The following TENM3 variants were observed in gnomAD, a reference collection of about 807,000 sequenced individuals.
TENM3 encodes teneurin transmembrane protein 3.
Under a neutral mutation model 255.1 loss-of-function variants are expected in TENM3, and 63 were observed. The observed-to-expected ratio is 0.25, with a 90% CI of 0.20 to 0.30. The LOEUF (loss-of-function observed/expected upper bound fraction) is 0.30, where lower values mean the gene tolerates loss of function less well. Among genes scored for constraint, TENM3 ranks in the 10% least tolerant of loss-of-function variants. The pLI is 1.00. For missense variants in TENM3, 2,929 were observed against 3,461.1 expected (o/e 0.85, Z 3.86); for synonymous variants, 1,306 against 1,322.3 (o/e 0.99, Z 0.27).
At chr4:181,527,158 A>G in the TENM3 span, among the ~76,000 whole-genome samples, 3 of 152,224 alleles carry the variant, frequency 2.0e-5, no homozygotes, top group Non-Finnish European at 4.4e-5. Flanking sequence ...AACTGTTTTC[A>G]TGAATGTCTT....
chr4:182,750,578 A>AG (rs1198907394), intron 19 of TENM3, among the ~76,000 whole-genome samples: 1 of 152,202 alleles, frequency 6.6e-6, no homozygotes, highest in Non-Finnish European at 1.5e-5. Context: ...ACCTAACCTC[A>AG]TTGGTAATGA....
chr4:182,465,010 A>G (rs1732454746), intron 3 of TENM3, among the ~76,000 whole-genome samples: 1 of 152,188 alleles, frequency 6.6e-6, no homozygotes, highest in African/African-American at 2.4e-5. Flanking sequence ...GGCATATTAT[A>G]GAAACAACTT....
intron 1 of TENM3, among the ~76,000 whole-genome samples, chr4:182,179,912 A>G (rs1207581402): frequency 6.6e-6 from 1 of 152,056 alleles, no homozygotes; most frequent in African/African-American, 2.4e-5. Flanking sequence ...TCATTTTTTC[A>G]GACCTCATAT....
At position 182,774,939 on chromosome 4, in the gene TENM3, A is replaced by G. The variant is rs1764555751; in HGVS notation, c.5090A>G (p.Gln1697Arg). Residue 1697 changes from glutamine to arginine, a missense_variant, in exon 24 of 28, where the codon CAG (glutamine) becomes CGG (arginine). Gln to Arg is a conservative substitution (Grantham distance 43, BLOSUM62 1). This residue lies in a region of TENM3 where 1,608 missense variants were observed against 1,884.4 expected (regional missense o/e 0.85). Coordinates refer to ENST00000511685, the MANE Select transcript of TENM3 (RefSeq NM_001080477.4). ...TTAGATCAGTTAAGAAACAGCTACC[A>G]GATTGGTTATGACGGCTCCCTCAGA... ...MVQDQLRNSY[Q>R]IGYDGSLRII... 6.2e-7 allele frequency: 1 copy of G among 1,613,050 alleles called. No homozygotes were observed. The highest frequency in any genetic ancestry group is 8.5e-7 in the Non-Finnish European group (1 of 1,179,392).
At chr4:181,816,796 T>A in the TENM3 span, among the ~76,000 whole-genome samples, 1 of 152,236 alleles carries the variant, frequency 6.6e-6, no homozygotes, top group Non-Finnish European at 1.5e-5. Context: ...ATCACTTTTA[T>A]GCATCGATAA....
chr4:182,589,059 G>T (rs1487284817), intron 3 of TENM3, among the ~76,000 whole-genome samples: 4 of 152,168 alleles, frequency 2.6e-5, no homozygotes, highest in Admixed American at 2.6e-4. Context: ...AAATGAGAAA[G>T]ACATGAATAA....
At chr4:181,575,693 T>C in the TENM3 span, among the ~76,000 whole-genome samples, 7 of 152,222 alleles carry the variant, frequency 4.6e-5, no homozygotes, top group Non-Finnish European at 1.0e-4. Context: ...GCTCTTACAC[T>C]TAATTTGATG....
At chr4:181,607,685 G>A in the TENM3 span, among the ~76,000 whole-genome samples, 1 of 152,124 alleles carries the variant, frequency 6.6e-6, no homozygotes, top group Non-Finnish European at 1.5e-5. Context: ...TTACAGGAGT[G>A]AGTCACCGTG....
At chr4:182,064,464 GCTACT>G in the TENM3 span, among the ~76,000 whole-genome samples, 12 of 152,110 alleles carry the variant, frequency 7.9e-5, no homozygotes, top group Admixed American at 2.0e-4. Flanking sequence ...TGTAGTCCCA[GCTACT>G]CTACTCGGGA....
At chr4:181,711,204 G>C in the TENM3 span, among the ~76,000 whole-genome samples, 1 of 152,128 alleles carries the variant, frequency 6.6e-6, no homozygotes, top group Non-Finnish European at 1.5e-5. Context: ...ATATGCACAA[G>C]AACTAATATA....
intron 3 of TENM3, among the ~76,000 whole-genome samples, chr4:182,591,585 C>A (rs1374382476): frequency 6.6e-6 from 1 of 152,126 alleles, no homozygotes; most frequent in African/African-American, 2.4e-5. Context: ...GATTTACAGG[C>A]AACTATCTGA....
chr4:181,820,623 G>T, the TENM3 span, among the ~76,000 whole-genome samples: 7 of 152,050 alleles, frequency 4.6e-5, no homozygotes, highest in Non-Finnish European at 5.9e-5. Context: ...TATTTGCAAG[G>T]AAAACATGCA....
the TENM3 span, among the ~76,000 whole-genome samples, chr4:182,066,264 T>C: frequency 6.6e-6 from 1 of 152,164 alleles, no homozygotes; most frequent in East Asian, 1.9e-4. Flanking sequence ...CTTTTTTTTA[T>C]GCGCTTGTTG....
intron 1 of TENM3, among the ~76,000 whole-genome samples, chr4:182,293,458 GTC>G (rs1761256268): frequency 6.6e-6 from 1 of 152,182 alleles, no homozygotes; most frequent in Admixed American, 6.5e-5. Flanking sequence ...GGAAGGATGC[GTC>G]TCTCTTCCTC....
chr4:182,495,141 T>G (rs187556232), intron 3 of TENM3, among the ~76,000 whole-genome samples: 1 of 152,300 alleles, frequency 6.6e-6, no homozygotes, highest in Admixed American at 6.5e-5. Flanking sequence ...AGACAAAAAC[T>G]TAATGGAAGA....
chr4:182,132,832 C>G, the TENM3 span, among the ~76,000 whole-genome samples: 1 of 152,096 alleles, frequency 6.6e-6, no homozygotes, highest in Admixed American at 6.5e-5. Context: ...AGTGTTTGGG[C>G]TCTGGAAAAA....
the TENM3 span, among the ~76,000 whole-genome samples, chr4:181,850,742 G>T: frequency 1.3e-5 from 2 of 151,810 alleles, no homozygotes; most frequent in African/African-American, 4.8e-5. Context: ...TAAGTATGAT[G>T]GGTAAAATAT....
the TENM3 span, among the ~76,000 whole-genome samples, chr4:181,746,557 A>T: frequency 6.6e-6 from 1 of 152,134 alleles, no homozygotes; most frequent in Admixed American, 6.6e-5. Flanking sequence ...TAAGGAAAAA[A>T]ATTGAAAAAT....
chr4:182,762,339 G>A (rs1367861517), intron 22 of TENM3, among the ~76,000 whole-genome samples: 1 of 152,184 alleles, frequency 6.6e-6, no homozygotes, highest in Non-Finnish European at 1.5e-5. Flanking sequence ...TAGATTAGAT[G>A]ATTTGATGGC....
Sources: allele counts gnomAD v4.1 joint callset (sites outside exome capture counted in the v4.1 genomes callset), GRCh38; gene constraint gnomAD v4.1.1; regional missense constraint gnomAD v4.1.1; transcripts MANE v1.5; gene names NCBI Gene and HGNC (gene_info 2026-07-23, HGNC 2026-07-21).